Variants in CSMD3 observed in about 807,000 individuals in gnomAD.
CSMD3 encodes the protein CUB and sushi domain-containing protein 3.
A neutral mutation model predicts 435.2 loss-of-function variants in CSMD3; 177 were observed. The ratio of observed to expected loss-of-function variants is 0.41; its 90% confidence interval spans 0.36 to 0.46. The LOEUF (loss-of-function observed/expected upper bound fraction) is 0.46. Ranked by LOEUF, CSMD3 falls within the 20% of genes least tolerant of loss-of-function variation. CSMD3 has a pLI of 0.34. For missense variants in CSMD3, 4,265 were observed against 4,504.6 expected (o/e 0.95, Z 1.52); for synonymous variants, 1,656 against 1,520.5 (o/e 1.09, Z -2.07).
At chr8:113,051,467 G>T (rs1267457758) in intron 5 of CSMD3, among the ~76,000 whole-genome samples, 1 of 151,986 alleles carries the variant, frequency 6.6e-6, no homozygotes, top group Non-Finnish European at 1.5e-5. Flanking sequence ...TTAATAAATT[G>T]TTTTTTACCG....
At chr8:113,392,261 C>G (rs1422653936) in intron 1 of CSMD3, among the ~76,000 whole-genome samples, 1 of 151,982 alleles carries the variant, frequency 6.6e-6, no homozygotes, top group Non-Finnish European at 1.5e-5. Context: ...GTTTCTTACA[C>G]CAAATCAATA....
chr8:112,956,848 C>A (rs2084037124), intron 7 of CSMD3, among the ~76,000 whole-genome samples: 1 of 151,938 alleles, frequency 6.6e-6, no homozygotes, highest in Admixed American at 6.6e-5. Flanking sequence ...GTCAATTTAT[C>A]TTTAATAATG....
intron 31 of CSMD3, among the ~76,000 whole-genome samples, chr8:112,479,848 G>A (rs1464748200): frequency 1.3e-5 from 2 of 152,212 alleles, no homozygotes; most frequent in African/African-American, 4.8e-5. Context: ...GCAATGCCAA[G>A]GGGAAATGTG....
chr8:113,101,966 A>G (rs1263366340), intron 4 of CSMD3, among the ~76,000 whole-genome samples: 1 of 152,152 alleles, frequency 6.6e-6, no homozygotes, highest in Non-Finnish European at 1.5e-5. Flanking sequence ...TCATAGCAGA[A>G]CATACTACCT....
chr8:113,278,843 C>T (rs2093591653), intron 2 of CSMD3, 139 bp from the exon 3 acceptor site: 1 of 612,230 alleles, frequency 1.6e-6, no homozygotes, highest in South Asian at 1.7e-5. Flanking sequence ...ATCCAGCCAA[C>T]ACCTTGATTT....
At chr8:113,249,875 G>A (rs2093318543) in intron 3 of CSMD3, among the ~76,000 whole-genome samples, 1 of 151,618 alleles carries the variant, frequency 6.6e-6, no homozygotes. Flanking sequence ...TTGTTTATAA[G>A]AAAGATGGAC....
At chr8:113,195,791 T>TTATATATATATA (rs749886578) in intron 3 of CSMD3, among the ~76,000 whole-genome samples, 190 of 125,956 alleles carry the variant, frequency 1.5e-3, no homozygotes, top group African/African-American at 5.1e-3. Context: ...ATCCTATATT[T>TTATATATATATA]TATATATATA....
At chr8:113,165,175 C>A (rs2092125990) in intron 4 of CSMD3, among the ~76,000 whole-genome samples, 1 of 152,124 alleles carries the variant, frequency 6.6e-6, no homozygotes. Flanking sequence ...CCATCATTTT[C>A]TCTTTAAGAC....
intron 32 of CSMD3, among the ~76,000 whole-genome samples, chr8:112,428,414 T>C (rs1813305171): frequency 6.6e-6 from 1 of 152,112 alleles, no homozygotes; most frequent in African/African-American, 2.4e-5. Context: ...ATGGGAGATA[T>C]GATCTGGGGA....
intron 5 of CSMD3, among the ~76,000 whole-genome samples, chr8:113,029,349 T>C (rs2086995114): frequency 6.6e-6 from 1 of 151,518 alleles, no homozygotes; most frequent in African/African-American, 2.4e-5. Flanking sequence ...CTGATATCCT[T>C]GATGAATATA....
At chr8:113,359,670 T>C (rs720405) in intron 1 of CSMD3, among the ~76,000 whole-genome samples, 97,135 of 152,192 alleles carry the variant, frequency 0.64, 32,548 homozygotes, top group Admixed American at 0.75. Flanking sequence ...TGAGCCATAA[T>C]ATCCTTTCTC....
At chr8:112,887,201 T>TG (rs1422052592) in intron 10 of CSMD3, among the ~76,000 whole-genome samples, 55 of 109,630 alleles carry the variant, frequency 5.0e-4, no homozygotes, top group African/African-American at 1.5e-3. Context: ...ATTATTTGTT[T>TG]TTTTTTTTTT....
intron 13 of CSMD3, among the ~76,000 whole-genome samples, chr8:112,781,826 T>A (rs2078395205): frequency 6.6e-6 from 1 of 152,152 alleles, no homozygotes; most frequent in African/African-American, 2.4e-5. Flanking sequence ...CTAAGACCAC[T>A]AAGGCAGTAT....
rs73701384 is a variant in CSMD3, at chr8:113,414,161, G to A, written c.178+22516C>T. Among the ~76,000 whole-genome samples the A allele has an allele frequency of 6.8e-3, 1,033 of 152,254 alleles. 18 individuals carry two copies. Among genetic ancestry groups the A allele is most frequent in the African/African-American group, 0.024 (981 of 41,540 alleles). On this transcript the variant is annotated intron_variant, in intron 1 of 70. Transcript: ENST00000297405. ...TGTGCTTTCCAATATGGTAGCCACT[G>A]GCCACATGTAGCTATTGAGTATGTA...
At chr8:112,851,169 T>G (rs2080473896) in intron 11 of CSMD3, among the ~76,000 whole-genome samples, 1 of 152,140 alleles carries the variant, frequency 6.6e-6, no homozygotes, top group African/African-American at 2.4e-5. Context: ...AAAAGTTACT[T>G]CCAGCATACC....
rs557166890 is a variant in CSMD3, at chr8:113,348,998, T to C, written c.179-34205A>G. On this transcript the variant is annotated intron_variant, in intron 1 of 70. Coordinates refer to ENST00000297405, the MANE Select transcript of CSMD3 (RefSeq NM_198123.2). ...TGGTTTACTATTTGGTATATGTATATACATACATATATAGGTTTTATAATG... is the reference window on the plus strand; with the variant it reads ...TGGTTTACTATTTGGTATATGTATACACATACATATATAGGTTTTATAATG... 8.5e-5 allele frequency among the ~76,000 whole-genome samples: 13 copies of C among 152,254 alleles called. No individual in the cohort carries two copies. In the East Asian group the frequency reaches 2.1e-3, roughly 25 times the overall value.
intron 42 of CSMD3, among the ~76,000 whole-genome samples, chr8:112,339,696 G>A (rs1430206589): frequency 1.3e-5 from 2 of 152,068 alleles, no homozygotes; most frequent in African/African-American, 2.4e-5. Flanking sequence ...TTCAGTAGAT[G>A]GGTACTCTAA....
At chr8:112,286,371 G>T (rs1819200121) in intron 58 of CSMD3, among the ~76,000 whole-genome samples, 1 of 152,002 alleles carries the variant, frequency 6.6e-6, no homozygotes, top group African/African-American at 2.4e-5. Flanking sequence ...TATATTTTAA[G>T]TTCTGAGTAG....
Position 112,489,640 on chromosome 8 carries a change from T to C in CSMD3, c.5278+2849A>G, listed in dbSNP as rs1415135052. Among the ~76,000 whole-genome samples the C allele has an allele frequency of 3.3e-5, 5 of 152,222 alleles. No homozygotes were observed. The East Asian group carries it at 9.6e-4, about 29-fold the overall frequency. The stretch of plus-strand genomic sequence containing the variant: ...ACCTTGCAAATTACACAATATCTTA[T>C]GATTAGATATACTAAATAAATTGAA... On this transcript the variant is annotated intron_variant, in intron 31 of 70. Coordinates refer to ENST00000297405, the MANE Select transcript of CSMD3 (RefSeq NM_198123.2).
Sources: allele counts gnomAD v4.1 joint callset (sites outside exome capture counted in the v4.1 genomes callset), GRCh38; gene constraint gnomAD v4.1.1; transcripts MANE v1.5; gene names NCBI Gene and HGNC (gene_info 2026-07-23, HGNC 2026-07-21).